Variants in CALN1 observed in about 807,000 individuals in gnomAD.
CALN1 encodes the protein calcium-binding protein 8.
A neutral mutation model predicts 30.6 loss-of-function variants in CALN1; 17 were observed. The observed-to-expected ratio is 0.56, with a 90% CI of 0.38 to 0.83. CALN1 has a LOEUF of 0.83. Among genes scored for constraint, CALN1 ranks in the 40% least tolerant of loss-of-function variants. The probability of loss-of-function intolerance (pLI) is 0.00; values close to 1 mark genes in which losing one functional copy is unlikely to be tolerated. For synonymous variants in CALN1, 156 were observed against 131.4 expected, an observed-to-expected ratio of 1.19 and a Z score of -1.28; for missense variants, 291 against 354.9, an observed-to-expected ratio of 0.82 and a Z score of 1.45.
At chr7:72,249,911 TG>T (rs1168953934) in intron 3 of CALN1, among the ~76,000 whole-genome samples, 1 of 137,154 alleles carries the variant, frequency 7.3e-6, no homozygotes, top group East Asian at 2.2e-4. Flanking sequence ...CACTCCAGCC[TG>T]GGTGACAGAG....
At chr7:72,394,160 C>A (rs771111233) in intron 2 of CALN1, among the ~76,000 whole-genome samples, 52 of 152,254 alleles carry the variant, frequency 3.4e-4, no homozygotes, top group Middle Eastern at 3.4e-3. Flanking sequence ...CATGAAGACA[C>A]TTCTCTTGAT....
chr7:72,308,459 C>T (rs1799818633), intron 2 of CALN1, among the ~76,000 whole-genome samples: 1 of 150,766 alleles, frequency 6.6e-6, no homozygotes, highest in South Asian at 2.1e-4. Context: ...GCTTGAGCTG[C>T]TTGGATGCAA....
intron 4 of CALN1, among the ~76,000 whole-genome samples, chr7:72,102,845 C>T (rs1416257585): frequency 6.6e-6 from 1 of 152,022 alleles, no homozygotes; most frequent in Non-Finnish European, 1.5e-5. Flanking sequence ...GAGGCCAAGG[C>T]AGGCGGATCA....
intron 3 of CALN1, among the ~76,000 whole-genome samples, chr7:72,110,656 C>CTT (rs111431336): frequency 2.1e-3 from 296 of 139,758 alleles, no homozygotes; most frequent in Admixed American, 5.8e-3. Flanking sequence ...ACCTCACTAA[C>CTT]TTTTTTTTTT....
intron 2 of CALN1, among the ~76,000 whole-genome samples, chr7:72,358,591 AG>A (rs1803379278): frequency 2.0e-5 from 3 of 152,262 alleles, no homozygotes; most frequent in Admixed American, 2.0e-4. Context: ...CGGAGAGAGA[AG>A]AAAAGCGCAA....
intron 6 of CALN1, among the ~76,000 whole-genome samples, chr7:71,794,189 G>T (rs1266751033): frequency 6.6e-6 from 1 of 152,150 alleles, no homozygotes; most frequent in East Asian, 1.9e-4. Flanking sequence ...GGTGGGATTT[G>T]AGCTGAGGGC....
At chr7:72,175,172 C>G (rs1340459474) in intron 3 of CALN1, among the ~76,000 whole-genome samples, 2 of 151,826 alleles carry the variant, frequency 1.3e-5, no homozygotes, top group Non-Finnish European at 2.9e-5. Flanking sequence ...CTCCCAGGTT[C>G]ACGCCATTCT....
intron 3 of CALN1, among the ~76,000 whole-genome samples, chr7:72,191,876 G>A (rs557420353): frequency 2.6e-5 from 4 of 152,274 alleles, no homozygotes; most frequent in African/African-American, 4.8e-5. Context: ...CACGCTCCCC[G>A]CTAGGCTAGC....
chr7:72,424,072 T>G (rs897394266), intron 1 of CALN1, among the ~76,000 whole-genome samples: 3 of 150,998 alleles, frequency 2.0e-5, no homozygotes, highest in African/African-American at 7.3e-5. Context: ...GCACCTGAAT[T>G]TGTACCTTAC....
At chr7:72,081,442 G>GT (rs201808300) in intron 4 of CALN1, among the ~76,000 whole-genome samples, 236 of 27,044 alleles carry the variant, frequency 8.7e-3, no homozygotes, top group African/African-American at 0.031. Flanking sequence ...TGGTGTGTGT[G>GT]TTTTTTTTCT....
intron 2 of CALN1, among the ~76,000 whole-genome samples, chr7:72,327,269 G>C (rs551526722): frequency 6.6e-6 from 1 of 152,298 alleles, no homozygotes; most frequent in African/African-American, 2.4e-5. Context: ...TGAGGCGGGA[G>C]AATCACTTGA....
At chr7:72,111,962 G>A (rs1302892382) in intron 3 of CALN1, among the ~76,000 whole-genome samples, 5 of 152,000 alleles carry the variant, frequency 3.3e-5, no homozygotes, top group Admixed American at 6.6e-5. Context: ...TGTCAGCCAG[G>A]CTGGTCTTGA....
chr7:72,501,133 A>G, the CALN1 span, among the ~76,000 whole-genome samples: 1 of 152,116 alleles, frequency 6.6e-6, no homozygotes, highest in Admixed American at 6.6e-5. Flanking sequence ...GAGAATGGGT[A>G]GAAAGACACC....
At chr7:72,129,074 A>G (rs1035973398) in intron 3 of CALN1, among the ~76,000 whole-genome samples, 3 of 152,250 alleles carry the variant, frequency 2.0e-5, no homozygotes, top group African/African-American at 7.2e-5. Context: ...ACAAGAGCAG[A>G]CAGTTCCCAA....
At chr7:72,241,977 T>C (rs1303227972) in intron 3 of CALN1, among the ~76,000 whole-genome samples, 2 of 152,226 alleles carry the variant, frequency 1.3e-5, no homozygotes, top group South Asian at 2.1e-4. Flanking sequence ...CTCAGGACTT[T>C]TTCATTATCC....
chr7:72,057,463 A>T (rs1333254878), intron 4 of CALN1, among the ~76,000 whole-genome samples: 8 of 141,936 alleles, frequency 5.6e-5, no homozygotes, highest in African/African-American at 2.1e-4. Flanking sequence ...ATTTGGTCAT[A>T]GATTTCTGCA....
At chr7:72,183,319 G>T (rs540059198) in intron 3 of CALN1, among the ~76,000 whole-genome samples, 1 of 152,186 alleles carries the variant, frequency 6.6e-6, no homozygotes, top group African/African-American at 2.4e-5. Flanking sequence ...AGAAGGCAAG[G>T]AGGGGGAGAG....
chr7:72,130,027 C>T (rs1334093198), intron 3 of CALN1, among the ~76,000 whole-genome samples: 1 of 152,116 alleles, frequency 6.6e-6, no homozygotes, highest in African/African-American at 2.4e-5. Context: ...GTTCTCTCAA[C>T]AGCTGGTTGT....
At chr7:72,501,934 T>TAA in the CALN1 span, among the ~76,000 whole-genome samples, 1 of 78,490 alleles carries the variant, frequency 1.3e-5, no homozygotes, top group Non-Finnish European at 2.3e-5. Flanking sequence ...AAAAAATATA[T>TAA]ATATATATAT....
Sources: gnomAD v4.1 joint callset for allele counts (sites outside exome capture counted in the v4.1 genomes callset) on GRCh38, gnomAD v4.1.1 for gene constraint, MANE v1.5 for transcripts, NCBI Gene and HGNC (gene_info 2026-07-23, HGNC 2026-07-21) for gene names.